The following FBXO11 variants were observed in gnomAD, a reference collection of about 807,000 sequenced individuals.
The protein encoded by FBXO11 is F-box protein 11.
In FBXO11, 13 loss-of-function variants were observed where a neutral mutation model predicts 117.0. That is an observed-to-expected ratio of 0.11 (90% CI 0.07 to 0.18). The LOEUF is 0.18. Among genes scored for constraint, FBXO11 ranks in the 10% least tolerant of loss-of-function variants. The pLI, the probability that FBXO11 is intolerant of heterozygous loss-of-function variation, is 1.00. For missense variants in FBXO11, 767 were observed against 1,164.4 expected (o/e 0.66, Z 4.97); for synonymous variants, 490 against 380.5 (o/e 1.29, Z -3.35).
At position 47,818,772 on chromosome 2, in the gene FBXO11, C is replaced by T. The variant is rs1462487159; in HGVS notation, c.2006+7G>A. The T allele has an allele frequency of 2.0e-5, 32 of 1,569,860 alleles. No individual in the cohort carries two copies. Among genetic ancestry groups the T allele is most frequent in the Non-Finnish European group, 2.6e-5 (30 of 1,164,788 alleles). ...CCCAAAAGATAGCCAAATATGAAAA[C>T]ATTTACCTTATCTGAACCCCTGAAT... On this transcript the variant is annotated splice_region_variant and intron_variant, in intron 16 of 22. Transcript: ENST00000403359.
intron 1 of FBXO11, among the ~76,000 whole-genome samples, chr2:47,862,178 C>T (rs191301434): frequency 2.4e-4 from 36 of 152,278 alleles, no homozygotes; most frequent in African/African-American, 8.7e-4. Context: ...GTTTCGGCCT[C>T]CCAAAGTGCT....
intron 4 of FBXO11, among the ~76,000 whole-genome samples, chr2:47,837,776 G>A (rs574161687): frequency 3.3e-5 from 5 of 152,210 alleles, no homozygotes; most frequent in African/African-American, 7.2e-5. Flanking sequence ...TGCCGCCCAG[G>A]CTGCAGTGCA....
At chr2:47,855,597 G>A (rs541381721) in intron 1 of FBXO11, among the ~76,000 whole-genome samples, 3 of 152,294 alleles carry the variant, frequency 2.0e-5, no homozygotes, top group African/African-American at 7.2e-5. Flanking sequence ...ACTTTGGGAG[G>A]CCAGAGTGGG....
intron 1 of FBXO11, among the ~76,000 whole-genome samples, chr2:47,864,348 G>A (rs1167665717): frequency 6.6e-6 from 1 of 152,172 alleles, no homozygotes; most frequent in African/African-American, 2.4e-5. Flanking sequence ...AGCAGTTTGG[G>A]AGGCCAGGGC....
intron 19 of FBXO11, 23 bp from the exon 20 acceptor site, chr2:47,809,730 G>A (rs756128545): frequency 5.4e-6 from 8 of 1,483,206 alleles, no homozygotes; most frequent in Admixed American, 1.7e-5. Context: ...TTACAAACAA[G>A]TAGATACATC....
At chr2:47,892,970 T>C (rs370873832) in intron 1 of FBXO11, among the ~76,000 whole-genome samples, 5 of 151,962 alleles carry the variant, frequency 3.3e-5, no homozygotes, top group Admixed American at 2.6e-4. Flanking sequence ...CTGGTTCACA[T>C]GGTGAAACCC....
At chr2:47,816,243 A>G (rs1264282101) in intron 16 of FBXO11, among the ~76,000 whole-genome samples, 1 of 152,132 alleles carries the variant, frequency 6.6e-6, no homozygotes, top group Non-Finnish European at 1.5e-5. Context: ...ACAGTGGTAT[A>G]ATCATAGCTC....
In FBXO11 at chr2:47,832,689, ATTAT is replaced by A. The variant is rs533993721; in HGVS notation, c.1154-15_1154-12del. The A allele has an allele frequency of 2.7e-5, 44 of 1,612,352 alleles. No homozygotes were observed. In the South Asian group the frequency reaches 4.0e-4, roughly 15 times the overall value. Reference sequence around the variant, plus strand: ...ATACTGCAGAACCAACTGTAGAAAAATTATTTATTTATGTAAAAACCTACTGGGC... The same window carrying A: ...ATACTGCAGAACCAACTGTAGAAAAATTATTTATGTAAAAACCTACTGGGC... On this transcript the variant is annotated splice_polypyrimidine_tract_variant and intron_variant, in intron 9 of 22. Transcript: ENST00000403359.
chr2:47,825,571 CT>C (rs751404253), intron 11 of FBXO11, among the ~76,000 whole-genome samples: 1,830 of 88,320 alleles, frequency 0.021, 5 homozygotes, highest in Non-Finnish European at 0.027. Flanking sequence ...TCTTCTTCTT[CT>C]TTTTTTTTTT....
rs374385090 is a variant in FBXO11, at chr2:47,827,885, C to T, written c.1398+4464G>A. 5.4e-5 allele frequency among the ~76,000 whole-genome samples: 8 copies of T among 147,688 alleles called. No individual in the cohort carries two copies. In the South Asian group the frequency reaches 6.5e-4, roughly 12 times the overall value. ...CTAATTATTGTATTTTTAGTAGAGA[C>T]GGGGTTTTGCCAAGTTAGCCAGGCT... On this transcript the variant is annotated intron_variant, in intron 11 of 22. Coordinates refer to ENST00000403359, the MANE Select transcript of FBXO11 (RefSeq NM_001190274.2).
intron 1 of FBXO11, among the ~76,000 whole-genome samples, chr2:47,851,206 A>G (rs1193180666): frequency 6.6e-6 from 1 of 152,130 alleles, no homozygotes; most frequent in Non-Finnish European, 1.5e-5. Flanking sequence ...GACGTTATTA[A>G]CTAAATGCTA....
At chr2:47,850,374 T>G (rs888258999) in intron 1 of FBXO11, among the ~76,000 whole-genome samples, 1 of 151,002 alleles carries the variant, frequency 6.6e-6, no homozygotes, top group Non-Finnish European at 1.5e-5. Context: ...CAAGCATTAG[T>G]GAGTCATTTG....
chr2:47,816,729 TG>T (rs1671031706), intron 16 of FBXO11, among the ~76,000 whole-genome samples: 2 of 152,208 alleles, frequency 1.3e-5, no homozygotes, highest in Admixed American at 1.3e-4. Context: ...CTTGGGTTAC[TG>T]GGTGCATTGT....
At chr2:47,874,700 A>G (rs1276896568) in intron 1 of FBXO11, among the ~76,000 whole-genome samples, 1 of 151,968 alleles carries the variant, frequency 6.6e-6, no homozygotes, top group Non-Finnish European at 1.5e-5. Flanking sequence ...ATGCTCAGCT[A>G]ATTTTTCTAT....
At chr2:47,900,706 GTATA>G (rs564965609) in intron 1 of FBXO11, among the ~76,000 whole-genome samples, 2 of 73,592 alleles carry the variant, frequency 2.7e-5, no homozygotes, top group African/African-American at 5.7e-5. Flanking sequence ...ACACACACGT[GTATA>G]TATATACACG....
At chr2:47,839,562 TA>T (rs35446361) in intron 2 of FBXO11, 62 bp from the exon 3 acceptor site, 9 of 1,602,050 alleles carry the variant, frequency 5.6e-6, no homozygotes, top group Non-Finnish European at 2.6e-6. Flanking sequence ...TCATTACTTC[TA>T]AAAAAGGATG....
Position 47,834,633 on chromosome 2 carries a change from T to C in FBXO11, c.880A>G (p.Ile294Val), listed in dbSNP as rs1417885971. The change falls in exon 7 of 23, where the codon ATA becomes GTA. Residue 294 changes from isoleucine to valine, a missense_variant. By Grantham distance (29) the Ile-to-Val change is conservative (BLOSUM62 3). This residue lies in a region of FBXO11 where 123 missense variants were observed against 145.0 expected (regional missense o/e 0.85). Transcript: ENST00000403359. ...FDGLIFVHSG[I>V]YTDEWIYIES... ...ATATATATCCATTCATCAGTATATA[T>C]TCCAGAATGAACAAAGATAAGTCCA... is the stretch of plus-strand genomic sequence containing the variant. 8 of 1,609,044 alleles carry C rather than the reference T, an allele frequency of 5.0e-6. No homozygotes were observed. Among genetic ancestry groups the C allele is most frequent in the Non-Finnish European group, 5.9e-6 (7 of 1,176,830 alleles).
chr2:47,830,363 C>T (rs1313833528), intron 11 of FBXO11, among the ~76,000 whole-genome samples: 1 of 151,874 alleles, frequency 6.6e-6, no homozygotes, highest in African/African-American at 2.4e-5. Context: ...GCTACAATAT[C>T]CATAAGGCGT....
At chr2:47,821,532 C>A (rs1298078007) in intron 13 of FBXO11, among the ~76,000 whole-genome samples, 7 of 151,864 alleles carry the variant, frequency 4.6e-5, no homozygotes, top group African/African-American at 2.4e-5. Flanking sequence ...ATGGCGTGAA[C>A]CTGGGAGGTG....
Sources: allele counts gnomAD v4.1 joint callset (sites outside exome capture counted in the v4.1 genomes callset), GRCh38; gene constraint gnomAD v4.1.1; regional missense constraint gnomAD v4.1.1; transcripts MANE v1.5; gene names NCBI Gene and HGNC (gene_info 2026-07-23, HGNC 2026-07-21).